The following NKAIN1 variants were observed in gnomAD, a reference collection of about 807,000 sequenced individuals.
The protein encoded by NKAIN1 is sodium/potassium transporting ATPase interacting 1, also known as sodium/potassium-transporting ATPase subunit beta-1-interacting protein 1.
NKAIN1 carries 13 observed loss-of-function variants against 31.6 expected under a neutral mutation model. The observed-to-expected ratio is 0.41, with a 90% CI of 0.27 to 0.65. The LOEUF (loss-of-function observed/expected upper bound fraction) is 0.65. Ranked by LOEUF, NKAIN1 falls within the 30% of genes least tolerant of loss-of-function variation. The pLI is 0.30. For synonymous variants in NKAIN1, 104 were observed against 109.0 expected (o/e 0.95, Z 0.28); for missense variants, 193 against 262.2 (o/e 0.74, Z 1.82).
At chr1:31,203,399 A>C (rs1267823937) in intron 1 of NKAIN1, among the ~76,000 whole-genome samples, 1 of 148,392 alleles carries the variant, frequency 6.7e-6, no homozygotes, top group East Asian at 2.0e-4. Context: ...GAGTGTGGGA[A>C]GAGGGCCAAG....
At chr1:31,198,333 G>T (rs894914056) in intron 1 of NKAIN1, among the ~76,000 whole-genome samples, 1 of 152,082 alleles carries the variant, frequency 6.6e-6, no homozygotes, top group Non-Finnish European at 1.5e-5. Context: ...ACCTGCTCAC[G>T]TGCAGCCCCC....
In NKAIN1 at chr1:31,183,870, G is replaced by A. The variant is rs772712756; in HGVS notation, c.418C>T (p.Leu140Phe). The A allele has an allele frequency of 5.6e-6, 9 of 1,614,032 alleles. No individual in the cohort carries two copies. Among genetic ancestry groups the A allele is most frequent in the Non-Finnish European group, 1.7e-6 (2 of 1,180,044 alleles). ...HHVISVTGCL[L>F]DYPYIEALSS... The stretch of plus-strand genomic sequence containing the variant: ...AGGGCTTCAATGTAGGGGTAGTCAA[G>A]CAGGCAGCCAGTGACAGAGATGACA... Residue 140 changes from leucine to phenylalanine, a missense_variant, in exon 4 of 7, where the codon CTT (leucine) becomes TTT (phenylalanine). Leu to Phe is a conservative substitution (Grantham distance 22). Coordinates refer to ENST00000373736, the MANE Select transcript of NKAIN1 (RefSeq NM_024522.3).
intron 1 of NKAIN1, among the ~76,000 whole-genome samples, chr1:31,208,630 G>T (rs1310033289): frequency 1.0e-4 from 8 of 77,402 alleles, no homozygotes; most frequent in Non-Finnish European, 1.0e-4. Flanking sequence ...CCCACATAGT[G>T]GGGGGAGGGG....
chr1:31,197,824 G>T (rs180770732), intron 1 of NKAIN1, among the ~76,000 whole-genome samples: 1 of 152,266 alleles, frequency 6.6e-6, no homozygotes, highest in South Asian at 2.1e-4. Flanking sequence ...TGGGATTACA[G>T]GCATGAGCCA....
In NKAIN1 at chr1:31,197,302, G is replaced by T. The variant is rs370526079; in HGVS notation, c.55-9115C>A. Among the ~76,000 whole-genome samples the T allele has an allele frequency of 2.8e-3, 430 of 151,780 alleles. 3 individuals carry two copies. The highest frequency in any genetic ancestry group is 4.7e-3 in the Non-Finnish European group (316 of 67,920). ...AATTTTTTGTATTTTTAGTAGAGACGGGGTTTCATCGTGTTAGCCAGGATG... is the reference window on the plus strand; with the variant it reads ...AATTTTTTGTATTTTTAGTAGAGACTGGGTTTCATCGTGTTAGCCAGGATG... On this transcript the variant is annotated intron_variant, in intron 1 of 6. Coordinates refer to ENST00000373736, the MANE Select transcript of NKAIN1 (RefSeq NM_024522.3).
At chr1:31,225,468 A>G (rs1328211290) in intron 1 of NKAIN1, among the ~76,000 whole-genome samples, 1 of 150,496 alleles carries the variant, frequency 6.6e-6, no homozygotes, top group Non-Finnish European at 1.5e-5. Flanking sequence ...TGAATGGACT[A>G]CAGGCACCCA....
At chr1:31,227,992 G>C (rs892678152) in intron 1 of NKAIN1, among the ~76,000 whole-genome samples, 5 of 152,266 alleles carry the variant, frequency 3.3e-5, no homozygotes, top group Admixed American at 2.0e-4. Context: ...CAATCCAAAG[G>C]CCCAAGACCA....
At chr1:31,185,053 C>T in intron 3 of NKAIN1, 194 bp downstream of exon 3, 1 of 587,890 alleles carries the variant, frequency 1.7e-6, no homozygotes, top group Non-Finnish European at 3.1e-6. Context: ...GCCTTATCTG[C>T]TCCATCATTG....
At chr1:31,219,124 C>T (rs1645541940) in intron 1 of NKAIN1, among the ~76,000 whole-genome samples, 1 of 152,260 alleles carries the variant, frequency 6.6e-6, no homozygotes, top group Non-Finnish European at 1.5e-5. Context: ...CTAACAACCT[C>T]CTAAATATAT....
Position 31,210,569 on chromosome 1 carries a change from G to A in NKAIN1, c.55-22382C>T, listed in dbSNP as rs528196532. Among the ~76,000 whole-genome samples, 299 of 152,254 alleles carry A rather than the reference G, an allele frequency of 2.0e-3. 1 individual carries two copies. The highest frequency in any genetic ancestry group is 3.5e-3 in the Non-Finnish European group (240 of 68,018). On this transcript the variant is annotated intron_variant, in intron 1 of 6. Coordinates refer to ENST00000373736, the MANE Select transcript of NKAIN1 (RefSeq NM_024522.3). ...CTCCCAAAGTGCTGGGATTACAGGC[G>A]TGAGCCCCCACACCCGGCTTGCCAT... is the stretch of plus-strand genomic sequence containing the variant.
chr1:31,213,051 T>G (rs1336669667), intron 1 of NKAIN1, among the ~76,000 whole-genome samples: 3 of 150,506 alleles, frequency 2.0e-5, no homozygotes, highest in Admixed American at 6.6e-5. Context: ...TGTTTTTTTT[T>G]TTTTTGAAAA....
intron 1 of NKAIN1, among the ~76,000 whole-genome samples, chr1:31,218,070 T>TTCTTTCTG (rs1350943103): frequency 7.1e-6 from 1 of 140,554 alleles, no homozygotes; most frequent in Non-Finnish European, 1.5e-5. Flanking sequence ...CTTTCTTTCT[T>TTCTTTCTG]TTTTTTTTTT....
At chr1:31,225,033 C>CGTTTCTTTTTTTTTTTTTT (rs1645592162) in intron 1 of NKAIN1, among the ~76,000 whole-genome samples, 1 of 112,132 alleles carries the variant, frequency 8.9e-6, no homozygotes, top group Non-Finnish European at 1.7e-5. Flanking sequence ...CTTTTCTTTT[C>CGTTTCTTTTTTTTTTTTTT]TTTTTTTTTT....
rs939333441 is a variant in NKAIN1, at chr1:31,181,607, G to T, written c.*96C>A. The T allele has an allele frequency of 4.1e-6, 5 of 1,226,408 alleles. No homozygotes were observed. In the African/African-American group the frequency reaches 7.9e-5, roughly 19 times the overall value. The allele number at this position is 1,226,408 out of a possible 1,614,324, so 76.0% of individuals were successfully genotyped here. On this transcript the variant is annotated 3_prime_UTR_variant, in exon 7 of 7. Coordinates refer to ENST00000373736, the MANE Select transcript of NKAIN1 (RefSeq NM_024522.3). ...GTTGGGCACAGGCTGCAGTGAGCGCGCGGGCCACCAGGGGGACACGCCTGC... is the reference window on the plus strand; with the variant it reads ...GTTGGGCACAGGCTGCAGTGAGCGCTCGGGCCACCAGGGGGACACGCCTGC...
intron 6 of NKAIN1, 60 bp from the exon 7 acceptor site, chr1:31,181,772 C>T (rs1330887760): frequency 5.6e-5 from 87 of 1,543,460 alleles, no homozygotes; most frequent in Non-Finnish European, 7.3e-5. Context: ...GGCGGAGAGA[C>T]CCGGTTGCCC....
chr1:31,221,619 A>G (rs1224848804), intron 1 of NKAIN1, among the ~76,000 whole-genome samples: 1 of 152,036 alleles, frequency 6.6e-6, no homozygotes, highest in East Asian at 1.9e-4. Context: ...TATTTTTAGT[A>G]GAGCCGGGGT....
chr1:31,221,498 C>T (rs1364627411), intron 1 of NKAIN1, among the ~76,000 whole-genome samples: 1 of 152,100 alleles, frequency 6.6e-6, no homozygotes, highest in East Asian at 1.9e-4. Context: ...TGCAGTGGTG[C>T]GGTCTCGGCT....
chr1:31,188,186 A>C lies in NKAIN1; in HGVS notation c.56T>G (p.Val19Gly), dbSNP rs1482220191. The change falls in exon 2 of 7, where the codon GTG (valine) becomes GGG (glycine). Residue 19 changes from valine (V) to glycine (G), a missense_variant and splice_region_variant. Physicochemically the swap from Val to Gly is moderately radical, Grantham distance 109 (BLOSUM62 -3). Coordinates refer to ENST00000373736, the MANE Select transcript of NKAIN1 (RefSeq NM_024522.3). ...AAAGATCTGCCGCTCCAGCGCAGCC[A>C]CCTGTGGAAGAGACAGGCTGAGGCC... ...TLVAFCCLQL[V>G]AALERQIFDF... 2 of 1,551,380 alleles carry C rather than the reference A, an allele frequency of 1.3e-6. No homozygotes were observed. The highest frequency in any genetic ancestry group is 1.7e-6 in the Non-Finnish European group (2 of 1,146,772).
chr1:31,200,896 C>T (rs1410317629), intron 1 of NKAIN1, among the ~76,000 whole-genome samples: 1 of 151,420 alleles, frequency 6.6e-6, no homozygotes, highest in Non-Finnish European at 1.5e-5. Flanking sequence ...CGCAGTGGTG[C>T]GATCTCAGCT....
Sources: allele counts gnomAD v4.1 joint callset (sites outside exome capture counted in the v4.1 genomes callset), GRCh38; gene constraint gnomAD v4.1.1; transcripts MANE v1.5; gene names NCBI Gene and HGNC (gene_info 2026-07-23, HGNC 2026-07-21).